Variants in COLEC10 observed in about 807,000 individuals in gnomAD.
COLEC10 encodes the protein collectin-10.
A neutral mutation model predicts 28.4 loss-of-function variants in COLEC10; 22 were observed. The ratio of observed to expected loss-of-function variants is 0.78; its 90% CI spans 0.55 to 1.11. The LOEUF (loss-of-function observed/expected upper bound fraction) is 1.11. Among genes scored for constraint, COLEC10 ranks in the 50% least tolerant of loss-of-function variants. The pLI, the probability that COLEC10 is intolerant of heterozygous loss-of-function variation, is 0.00. For synonymous variants in COLEC10, 125 were observed against 116.1 expected, an observed-to-expected ratio of 1.08 and a Z score of -0.49; for missense variants, 361 against 344.1, an observed-to-expected ratio of 1.05 and a Z score of -0.39.
intron 2 of COLEC10, among the ~76,000 whole-genome samples, chr8:119,040,842 T>A (rs1411164649): frequency 6.6e-6 from 1 of 152,226 alleles, no homozygotes; most frequent in South Asian, 2.1e-4. Flanking sequence ...ACAGGGTTAG[T>A]GTAGTGGGAA....
intron 1 of COLEC10, among the ~76,000 whole-genome samples, chr8:119,007,606 A>G (rs1318724078): frequency 6.6e-6 from 1 of 151,206 alleles, no homozygotes; most frequent in Admixed American, 6.6e-5. Flanking sequence ...TTTAAGACCA[A>G]TTGTCCAAAC....
At chr8:119,011,403 C>A (rs898504715) in intron 2 of COLEC10, among the ~76,000 whole-genome samples, 4 of 150,858 alleles carry the variant, frequency 2.7e-5, no homozygotes, top group Admixed American at 2.6e-4. Flanking sequence ...GTCCTTGGGT[C>A]AGGTAATGCC....
At chr8:118,991,649 G>T (rs1813508182), upstream of COLEC10, among the ~76,000 whole-genome samples, 2 of 152,028 alleles carry the variant, frequency 1.3e-5, no homozygotes, top group Admixed American at 1.3e-4. Context: ...TTTTCCACTT[G>T]AACATAAACT....
At chr8:119,076,438 TTTTTA>T (rs1815238818) in intron 1 of COLEC10, among the ~76,000 whole-genome samples, 7 of 152,032 alleles carry the variant, frequency 4.6e-5, no homozygotes, top group African/African-American at 1.7e-4. Flanking sequence ...ATTTTTTGTA[TTTTTA>T]GTAGAGATGG....
chr8:119,026,080 C>G (rs896342673), intron 2 of COLEC10, among the ~76,000 whole-genome samples: 1 of 152,178 alleles, frequency 6.6e-6, no homozygotes, highest in Non-Finnish European at 1.5e-5. Flanking sequence ...TTCACAGTAA[C>G]TGGTTCAACA....
chr8:119,015,253 CT>C (rs1440446206), intron 2 of COLEC10, among the ~76,000 whole-genome samples: 2 of 142,630 alleles, frequency 1.4e-5, no homozygotes, highest in African/African-American at 5.4e-5. Flanking sequence ...AGGTCTCGGT[CT>C]TTTGATGAGC....
At chr8:119,048,243 A>G (rs546689932) in intron 2 of COLEC10, among the ~76,000 whole-genome samples, 18 of 152,210 alleles carry the variant, frequency 1.2e-4, no homozygotes, top group Non-Finnish European at 2.2e-4. Context: ...CAACATGTGG[A>G]TTTGGTTTTC....
chr8:118,971,117 C>T, the COLEC10 span, among the ~76,000 whole-genome samples: 1 of 151,876 alleles, frequency 6.6e-6, no homozygotes, highest in African/African-American at 2.4e-5. Flanking sequence ...TGAGTGTGGC[C>T]TCCTCATTAT....
chr8:119,069,629 A>AAAAAAAT (rs1554627284), intron 1 of COLEC10, among the ~76,000 whole-genome samples: 36 of 42,862 alleles, frequency 8.4e-4, no homozygotes, highest in South Asian at 1.5e-3. Context: ...AAAAAAAAAA[A>AAAAAAAT]ATATATATAT....
chr8:119,043,733 C>T (rs1365239237), intron 2 of COLEC10, among the ~76,000 whole-genome samples: 1 of 152,018 alleles, frequency 6.6e-6, no homozygotes, highest in Non-Finnish European at 1.5e-5. Flanking sequence ...CATATGAATA[C>T]ATGCAGATTC....
Position 119,086,956 on chromosome 8 carries a change from C to T in COLEC10, c.149-2724C>T, listed in dbSNP as rs114691242. On this transcript the variant is annotated intron_variant, in intron 1 of 5. Transcript: ENST00000332843. Reference sequence around the variant, plus strand: ...GCCCCTGTTTGAATCCTGGCTTTACCACTTATGAGTTATGTGACCTTGGAT... The same window carrying T: ...GCCCCTGTTTGAATCCTGGCTTTACTACTTATGAGTTATGTGACCTTGGAT... 6.3e-3 allele frequency among the ~76,000 whole-genome samples: 961 copies of T among 152,280 alleles called. 10 individuals carry two copies. The highest frequency in any genetic ancestry group is 0.021 in the African/African-American group (872 of 41,550).
chr8:119,006,052 C>T (rs6469798), intron 1 of COLEC10, among the ~76,000 whole-genome samples: 97,979 of 151,882 alleles, frequency 0.65, 32,657 homozygotes, highest in African/African-American at 0.81. Flanking sequence ...AACACTAAAA[C>T]ATTCATTAAT....
intron 2 of COLEC10, among the ~76,000 whole-genome samples, chr8:119,037,189 G>A (rs1814405015): frequency 6.6e-6 from 1 of 152,174 alleles, no homozygotes; most frequent in Non-Finnish European, 1.5e-5. Context: ...ACATCTCTAA[G>A]ATCAGAATCT....
chr8:118,959,098 T>G, the COLEC10 span, among the ~76,000 whole-genome samples: 30 of 152,308 alleles, frequency 2.0e-4, no homozygotes, highest in African/African-American at 7.2e-4. Context: ...GCTCTGCCCC[T>G]TCTTTAGTGG....
intron 2 of COLEC10, among the ~76,000 whole-genome samples, chr8:119,041,549 C>T (rs1364956246): frequency 6.6e-6 from 1 of 152,130 alleles, no homozygotes; most frequent in South Asian, 2.1e-4. Context: ...TAAAACATGA[C>T]CCCAATATAC....
At chr8:118,972,342 C>T in the COLEC10 span, among the ~76,000 whole-genome samples, 1 of 151,964 alleles carries the variant, frequency 6.6e-6, no homozygotes, top group African/African-American at 2.4e-5. Context: ...GAGCTACTTC[C>T]ATGTTCTTCT....
the COLEC10 span, among the ~76,000 whole-genome samples, chr8:118,957,722 C>T: frequency 2.0e-5 from 3 of 152,300 alleles, no homozygotes; most frequent in South Asian, 6.2e-4. Context: ...GGACAATCAT[C>T]ACTGAATGCT....
At chr8:119,018,274 A>G (rs1195872857) in intron 2 of COLEC10, among the ~76,000 whole-genome samples, 1 of 152,108 alleles carries the variant, frequency 6.6e-6, no homozygotes, top group South Asian at 2.1e-4. Context: ...TTTTCTTCTA[A>G]TCTGTTCTAC....
At chr8:119,065,397 C>G (rs567528227), upstream of COLEC10, among the ~76,000 whole-genome samples, 1 of 152,222 alleles carries the variant, frequency 6.6e-6, no homozygotes, top group Non-Finnish European at 1.5e-5. Context: ...TTAGGAGAAT[C>G]TAATGCCTGA....
Sources: gnomAD v4.1 joint callset for allele counts (sites outside exome capture counted in the v4.1 genomes callset) on GRCh38, gnomAD v4.1.1 for gene constraint, MANE v1.5 for transcripts, NCBI Gene and HGNC (gene_info 2026-07-23, HGNC 2026-07-21) for gene names.